The following AKAP13 variants were observed in gnomAD, a reference collection of about 807,000 sequenced individuals.
The protein encoded by AKAP13 is A-kinase anchor protein 13.
In AKAP13, 80 loss-of-function variants were observed where a neutral mutation model predicts 264.5. That is an observed-to-expected ratio of 0.30 (90% confidence interval 0.25 to 0.36). The LOEUF (loss-of-function observed/expected upper bound fraction) is 0.36. Among genes scored for constraint, AKAP13 ranks in the 10% least tolerant of loss-of-function variants. The pLI is 1.00. For synonymous variants in AKAP13, 1,380 were observed against 1,250.2 expected (o/e 1.10, Z -2.19); for missense variants, 3,712 against 3,435.2 (o/e 1.08, Z -2.01).
At chr15:85,662,399 G>T in intron 12 of AKAP13, 1 of 1,614,096 alleles carries the variant, frequency 6.2e-7, no homozygotes, top group South Asian at 1.1e-5. Flanking sequence ...ATGAGCTGGT[G>T]CCCCTCTGGT....
chr15:85,553,775 C>G (rs113204851), intron 5 of AKAP13, among the ~76,000 whole-genome samples: 218 of 152,268 alleles, frequency 1.4e-3, no homozygotes, highest in South Asian at 2.5e-3. Flanking sequence ...GGCGGGCGAG[C>G]GAGCATTACC....
chr15:85,480,479 A>G (rs140384888), intron 1 of AKAP13, among the ~76,000 whole-genome samples: 34 of 152,258 alleles, frequency 2.2e-4, no homozygotes, highest in African/African-American at 7.2e-4. Flanking sequence ...ACATAAGGAG[A>G]TGAAGATTCA....
chr15:85,632,199 ATT>A (rs1338045239), intron 8 of AKAP13, among the ~76,000 whole-genome samples: 6 of 152,164 alleles, frequency 3.9e-5, no homozygotes. Flanking sequence ...AGGTAAATGT[ATT>A]ACTCATTGCA....
intron 1 of AKAP13, among the ~76,000 whole-genome samples, chr15:85,431,298 C>T (rs893390116): frequency 2.0e-5 from 3 of 152,150 alleles, no homozygotes; most frequent in East Asian, 3.8e-4. Context: ...ACAGTGATTA[C>T]GAACTTAAGG....
chr15:85,583,377 C>T (rs531502934), intron 7 of AKAP13, among the ~76,000 whole-genome samples: 133 of 152,248 alleles, frequency 8.7e-4, no homozygotes, highest in African/African-American at 3.1e-3. Context: ...TAATCTTTTT[C>T]CTCCCCAGTT....
chr15:85,740,360 C>T, intron 34 of AKAP13, 88 bp downstream of exon 34: 1 of 1,502,390 alleles, frequency 6.7e-7, no homozygotes, highest in Middle Eastern at 2.0e-4. Context: ...TTGAGGTTTG[C>T]AGGATGTTTA....
intron 1 of AKAP13, among the ~76,000 whole-genome samples, chr15:85,389,427 T>C (rs1388617832): frequency 6.6e-6 from 1 of 152,224 alleles, no homozygotes; most frequent in Admixed American, 6.5e-5. Flanking sequence ...TGCAGTTCTG[T>C]GCTACCTGTT....
At chr15:85,494,180 A>C (rs1468511321) in intron 2 of AKAP13, among the ~76,000 whole-genome samples, 1 of 152,218 alleles carries the variant, frequency 6.6e-6, no homozygotes, top group African/African-American at 2.4e-5. Context: ...AAGGTATCAA[A>C]GTTAATGGGC....
At position 85,415,061 on chromosome 15, in the gene AKAP13, T is replaced by G. The variant is rs953031805; in HGVS notation, c.-12+34263T>G. Among the ~76,000 whole-genome samples the G allele has an allele frequency of 1.6e-4, 25 of 152,328 alleles. No homozygotes were observed. The East Asian group carries it at 4.8e-3, about 29-fold the overall frequency. ...TGTTTCTTAAATTTTGCTCTCAGGT[T>G]TGGGGTGGTAGTGAAGTTACTCTGA... On this transcript the variant is annotated intron_variant, in intron 1 of 36. Coordinates refer to ENST00000394518, the MANE Select transcript of AKAP13 (RefSeq NM_007200.5).
chr15:85,631,076 G>T (rs2081769629), intron 8 of AKAP13, among the ~76,000 whole-genome samples: 1 of 151,894 alleles, frequency 6.6e-6, no homozygotes, highest in African/African-American at 2.4e-5. Flanking sequence ...TATCCATACA[G>T]TAGAATATTA....
intron 1 of AKAP13, among the ~76,000 whole-genome samples, chr15:85,450,083 T>A (rs2074029768): frequency 6.6e-6 from 1 of 152,078 alleles, no homozygotes; most frequent in South Asian, 2.1e-4. Context: ...TATTACTGAT[T>A]CAATTTTGGA....
At chr15:85,523,051 G>C (rs957628574) in intron 3 of AKAP13, among the ~76,000 whole-genome samples, 2 of 151,796 alleles carry the variant, frequency 1.3e-5, no homozygotes, top group African/African-American at 4.8e-5. Context: ...TAGAGTCCTT[G>C]AAAGACCTTT....
chr15:85,541,991 G>A (rs1006277438), intron 4 of AKAP13, among the ~76,000 whole-genome samples: 1 of 152,206 alleles, frequency 6.6e-6, no homozygotes, highest in African/African-American at 2.4e-5. Flanking sequence ...CAGAAGAGTG[G>A]TTGTGGGAGG....
chr15:85,563,181 G>A (rs2078466982), intron 5 of AKAP13, among the ~76,000 whole-genome samples: 1 of 152,074 alleles, frequency 6.6e-6, no homozygotes, highest in African/African-American at 2.4e-5. Flanking sequence ...AACATAATTA[G>A]ATGAATTTGT....
chr15:85,580,505 A>G lies in AKAP13; in HGVS notation c.2437A>G (p.Thr813Ala), dbSNP rs780499518. 8 of 1,614,238 alleles carry G rather than the reference A, an allele frequency of 5.0e-6. No homozygotes were observed. In the South Asian group the frequency reaches 7.7e-5, roughly 16 times the overall value. Residue 813 changes from threonine to alanine, a missense_variant, in exon 7 of 37, where the codon ACA (threonine) becomes GCA (alanine). This residue lies in a region of AKAP13 where 2,759 missense variants were observed against 2,411.7 expected (regional missense o/e 1.14). Coordinates refer to ENST00000394518, the MANE Select transcript of AKAP13 (RefSeq NM_007200.5). Reference sequence around the variant, plus strand: ...TGTCCCCTCCCAGAAAGAAAAGGGAACAGCAACTCCTGAACTACATACAGC... The same window carrying G: ...TGTCCCCTCCCAGAAAGAAAAGGGAGCAGCAACTCCTGAACTACATACAGC... Reference protein sequence around the residue: ...SFVPSQKEKGTATPELHTATD... With the variant: ...SFVPSQKEKGAATPELHTATD...
rs149770659 is a variant in AKAP13 at position 85,738,054 on chromosome 15, A to T, written c.7557+1920A>T. 6.5e-3 allele frequency among the ~76,000 whole-genome samples: 994 copies of T among 152,266 alleles called. 11 individuals are homozygous for T. The highest frequency in any genetic ancestry group is 0.022 in the African/African-American group (931 of 41,540). ...TTCCAGTATGGATTAGACACTATAA[A>T]TGCTTAGCTAGAGTCGGCAGGTTCT... On this transcript the variant is annotated intron_variant, in intron 33 of 36. Transcript: ENST00000394518.
intron 33 of AKAP13, among the ~76,000 whole-genome samples, chr15:85,737,454 G>A (rs1345729526): frequency 6.6e-6 from 1 of 152,158 alleles, no homozygotes; most frequent in Non-Finnish European, 1.5e-5. Context: ...CAAGGATGTT[G>A]ACTGTGTTTC....
chr15:85,582,690 G>T (rs1317288726), intron 7 of AKAP13, among the ~76,000 whole-genome samples: 1 of 151,992 alleles, frequency 6.6e-6, no homozygotes, highest in Non-Finnish European at 1.5e-5. Flanking sequence ...TGGGCTAGGG[G>T]TGTTGTTGAC....
In AKAP13 at chr15:85,721,909, C is replaced by A. The variant is rs2087313987; in HGVS notation, c.6253-82C>A. 3 of 1,576,358 alleles carry A rather than the reference C, an allele frequency of 1.9e-6. No individual in the cohort carries two copies. The South Asian group carries it at 3.5e-5, about 19-fold the overall frequency. ...TATGAGGAAGCGCTCTTGACTTTTA[C>A]AACTAGACTGGAAACATTTTACAAA... is the stretch of plus-strand genomic sequence containing the variant. On this transcript the variant is annotated intron_variant, in intron 23 of 36. Coordinates refer to ENST00000394518, the MANE Select transcript of AKAP13 (RefSeq NM_007200.5).
Sources: gnomAD v4.1 joint callset for allele counts (sites outside exome capture counted in the v4.1 genomes callset) on GRCh38, gnomAD v4.1.1 for gene constraint, gnomAD v4.1.1 regional missense constraint, MANE v1.5 for transcripts, NCBI Gene and HGNC (gene_info 2026-07-23, HGNC 2026-07-21) for gene names.